Variants in ABCA13 observed in about 807,000 individuals in gnomAD.
ABCA13 encodes the protein ATP-binding cassette sub-family A member 13.
Under a neutral mutation model 478.7 loss-of-function variants are expected in ABCA13, and 476 were observed. That is an observed-to-expected ratio of 0.99 (90% CI 0.92 to 1.07). ABCA13 has a LOEUF of 1.07. Ranked by LOEUF, ABCA13 falls within the 50% of genes least tolerant of loss-of-function variation. The pLI, the probability that ABCA13 is intolerant of heterozygous loss-of-function variation, is 0.00. For missense variants in ABCA13, 6,060 were observed against 5,910.6 expected (o/e 1.03, Z -0.83); for synonymous variants, 2,252 against 2,158.9 (o/e 1.04, Z -1.20).
intron 48 of ABCA13, among the ~76,000 whole-genome samples, chr7:48,499,814 C>G (rs1208558246): frequency 6.6e-6 from 1 of 152,116 alleles, no homozygotes; most frequent in African/African-American, 2.4e-5. Flanking sequence ...TACTTAGGAG[C>G]CTTGGACCTT....
intron 48 of ABCA13, among the ~76,000 whole-genome samples, chr7:48,497,198 C>CT (rs1242557535): frequency 1.3e-5 from 2 of 151,886 alleles, no homozygotes; most frequent in East Asian, 1.9e-4. Context: ...GCAGTCTCTT[C>CT]TTTTTTAGCT....
intron 41 of ABCA13, 61 bp downstream of exon 41, chr7:48,412,644 A>C: frequency 1.0e-5 from 12 of 1,190,988 alleles, no homozygotes; most frequent in East Asian, 3.8e-5. Flanking sequence ...TCCACATTAA[A>C]TGAAGAGATG....
At chr7:48,350,602 A>G in intron 29 of ABCA13, 41 bp from the exon 30 acceptor site, 2 of 1,527,280 alleles carry the variant, frequency 1.3e-6, no homozygotes, top group South Asian at 1.3e-5. Flanking sequence ...CACTGGGGGG[A>G]TACAGAAGTT....
At chr7:48,263,603 G>A (rs955982154) in intron 15 of ABCA13, among the ~76,000 whole-genome samples, 1 of 151,818 alleles carries the variant, frequency 6.6e-6, no homozygotes, top group South Asian at 2.1e-4. Flanking sequence ...GCACAGTATC[G>A]TAGGCACATG....
At chr7:48,586,264 A>G (rs17132491) in intron 56 of ABCA13, among the ~76,000 whole-genome samples, 20,137 of 152,038 alleles carry the variant, frequency 0.13, 1,646 homozygotes, top group African/African-American at 0.21. Context: ...TGCAAATAAG[A>G]AATATTTCCC....
chr7:48,337,695 T>A (rs1029652928), intron 28 of ABCA13, among the ~76,000 whole-genome samples: 1 of 152,216 alleles, frequency 6.6e-6, no homozygotes, highest in Admixed American at 6.5e-5. Flanking sequence ...CCCTCTCAGC[T>A]TCTTGTTGGT....
intron 1 of ABCA13, among the ~76,000 whole-genome samples, chr7:48,189,209 A>T (rs1796763268): frequency 6.6e-6 from 1 of 152,198 alleles, no homozygotes; most frequent in Non-Finnish European, 1.5e-5. Context: ...AGCATTAATC[A>T]GACAGCATTC....
intron 35 of ABCA13, among the ~76,000 whole-genome samples, chr7:48,383,147 T>C (rs1316736264): frequency 6.6e-6 from 1 of 152,182 alleles, no homozygotes; most frequent in Non-Finnish European, 1.5e-5. Flanking sequence ...TGCAGGAAGG[T>C]GTCATTTCCC....
intron 57 of ABCA13, among the ~76,000 whole-genome samples, chr7:48,593,313 A>G (rs1288494377): frequency 6.6e-6 from 1 of 150,736 alleles, no homozygotes; most frequent in African/African-American, 2.4e-5. Flanking sequence ...GTTACCAAGA[A>G]TCTATATAAA....
chr7:48,273,904 C>T lies in ABCA13; in HGVS notation c.4238C>T (p.Ser1413Leu). The T allele has an allele frequency of 6.2e-7, 1 of 1,612,806 alleles. No homozygotes were observed. Among genetic ancestry groups the T allele is most frequent in the Non-Finnish European group, 8.5e-7 (1 of 1,179,296 alleles). Reference protein sequence around the residue: ...HLYLLSNSSFSQGHLQNILGN... With the variant: ...HLYLLSNSSFLQGHLQNILGN... ...TATTTGTTGTCTAACTCCAGTTTTT[C>T]ACAAGGTCATCTTCAAAATATTTTG... Residue 1413 changes from serine (S) to leucine (L), a missense_variant, in exon 17 of 62, where the codon TCA (serine) becomes TTA (leucine). By Grantham distance (145) the Ser-to-Leu change is moderately radical (BLOSUM62 -2). Coordinates refer to ENST00000435803, the MANE Select transcript of ABCA13 (RefSeq NM_152701.5).
At chr7:48,521,714 C>A (rs1832557383) in intron 53 of ABCA13, among the ~76,000 whole-genome samples, 2 of 152,046 alleles carry the variant, frequency 1.3e-5, no homozygotes, top group South Asian at 4.1e-4. Context: ...ATCTGTATTA[C>A]CTTTACTTTC....
At chr7:48,619,850 C>T (rs1308568078) in intron 59 of ABCA13, among the ~76,000 whole-genome samples, 1 of 152,142 alleles carries the variant, frequency 6.6e-6, no homozygotes, top group African/African-American at 2.4e-5. Context: ...ACTCCCCAGA[C>T]CCAGGGCTCT....
At chr7:48,430,829 C>G in intron 42 of ABCA13, among the ~76,000 whole-genome samples, 1 of 152,130 alleles carries the variant, frequency 6.6e-6, no homozygotes, top group East Asian at 1.9e-4. Context: ...TGATTTTTCT[C>G]TTTTCAATTT....
At chr7:48,422,172 T>C (rs770362069) in intron 41 of ABCA13, among the ~76,000 whole-genome samples, 31 of 151,870 alleles carry the variant, frequency 2.0e-4, no homozygotes, top group Non-Finnish European at 3.5e-4. Context: ...TTTTCTTTCA[T>C]GTGACATCCT....
At chr7:48,184,022 G>A (rs935073086) in intron 1 of ABCA13, among the ~76,000 whole-genome samples, 6 of 152,112 alleles carry the variant, frequency 3.9e-5, no homozygotes, top group Admixed American at 1.3e-4. Flanking sequence ...GAATTATTGG[G>A]CCATAGAATT....
chr7:48,502,598 G>A (rs999973559), intron 48 of ABCA13, among the ~76,000 whole-genome samples: 1 of 152,150 alleles, frequency 6.6e-6, no homozygotes, highest in Non-Finnish European at 1.5e-5. Context: ...AACCAGACAC[G>A]TGTGCTGAAG....
chr7:48,204,689 T>C (rs1049676384), intron 3 of ABCA13, among the ~76,000 whole-genome samples: 1 of 152,170 alleles, frequency 6.6e-6, no homozygotes, highest in African/African-American at 2.4e-5. Context: ...CTTTCTCTTT[T>C]TGTATTCCCC....
At chr7:48,446,477 T>C (rs1292519730) in intron 42 of ABCA13, among the ~76,000 whole-genome samples, 1 of 152,138 alleles carries the variant, frequency 6.6e-6, no homozygotes, top group Non-Finnish European at 1.5e-5. Flanking sequence ...CCACTACCAC[T>C]TTACATACAG....
intron 41 of ABCA13, among the ~76,000 whole-genome samples, chr7:48,415,120 A>G (rs1048327533): frequency 8.5e-5 from 13 of 152,200 alleles, no homozygotes; most frequent in African/African-American, 2.7e-4. Context: ...ACTTGAATGC[A>G]GCTATGTCAG....
Sources: allele counts gnomAD v4.1 joint callset (sites outside exome capture counted in the v4.1 genomes callset), GRCh38; gene constraint gnomAD v4.1.1; transcripts MANE v1.5; gene names NCBI Gene and HGNC (gene_info 2026-07-23, HGNC 2026-07-21).